Variants in NAV1 observed in about 807,000 individuals in gnomAD.
The protein encoded by NAV1 is pore membrane and/or filament interacting like protein 3.
A neutral mutation model predicts 175.2 loss-of-function variants in NAV1; 18 were observed. The observed-to-expected ratio is 0.10, with a 90% CI of 0.07 to 0.15. The LOEUF (loss-of-function observed/expected upper bound fraction) is 0.15. Ranked by LOEUF, NAV1 falls within the 10% of genes least tolerant of loss-of-function variation. NAV1 has a pLI of 1.00. For missense variants in NAV1, 1,731 were observed against 2,436.6 expected (o/e 0.71, Z 6.10); for synonymous variants, 897 against 978.7 (o/e 0.92, Z 1.56).
At position 201,733,132 on chromosome 1, in the gene NAV1, G is replaced by A. The variant is rs1244922212; in HGVS notation, c.1226+14377G>A. The stretch of plus-strand genomic sequence containing the variant: ...ATGGTGGCTTATGCCTGTAATCCCA[G>A]CATTTTTGGAGGCCAAGGCGGGCGG... On this transcript the variant is annotated intron_variant, in intron 3 of 29. Coordinates refer to ENST00000367296, the Ensembl canonical transcript of NAV1. 2.0e-5 allele frequency among the ~76,000 whole-genome samples: 3 copies of A among 151,014 alleles called. No individual in the cohort carries two copies. In the East Asian group the frequency reaches 5.9e-4, roughly 30 times the overall value.
exon 5 of NAV1, chr1:201,781,016 G>A (rs997425030): frequency 1.0e-5 from 16 of 1,607,960 alleles, no homozygotes; most frequent in East Asian, 4.5e-5. Flanking sequence ...CTTTAGCTAC[G>A]CACAGACTCA....
chr1:201,733,000 G>A (rs990184251), intron 3 of NAV1, among the ~76,000 whole-genome samples: 1 of 152,074 alleles, frequency 6.6e-6, no homozygotes, highest in African/African-American at 2.4e-5. Context: ...GAACCCAGGA[G>A]GCGGAGGTTG....
At chr1:201,719,056 C>CT (rs1672259461) in intron 3 of NAV1, among the ~76,000 whole-genome samples, 1 of 151,758 alleles carries the variant, frequency 6.6e-6, no homozygotes, top group Non-Finnish European at 1.5e-5. Context: ...GCTCTTTGCC[C>CT]TCAATAAACT....
chr1:201,683,438 T>G (rs1336544561), intron 1 of NAV1, among the ~76,000 whole-genome samples: 1 of 152,114 alleles, frequency 6.6e-6, no homozygotes, highest in Non-Finnish European at 1.5e-5. Context: ...CCACTTCAGA[T>G]CATCAGACAC....
rs190423315 is a variant in NAV1, at chr1:201,742,923, G to A, written c.1226+24168G>A. Reference sequence around the variant, plus strand: ...GAGGGAGGGACTTAATCAGCAGAAGGCATCTTAATAGGGGGGACAGTCCGT... The same window carrying A: ...GAGGGAGGGACTTAATCAGCAGAAGACATCTTAATAGGGGGGACAGTCCGT... On this transcript the variant is annotated intron_variant, in intron 3 of 29. Coordinates refer to ENST00000367296, the Ensembl canonical transcript of NAV1. 9.0e-4 allele frequency among the ~76,000 whole-genome samples: 137 copies of A among 152,260 alleles called. 2 individuals are homozygous for A. Among genetic ancestry groups the A allele is most frequent in the African/African-American group, 3.1e-3 (128 of 41,546 alleles).
chr1:201,825,766 A>G (rs1304414154), exon 30 of NAV1: 1 of 152,538 alleles, frequency 6.6e-6, no homozygotes, highest in Non-Finnish European at 1.5e-5. Context: ...GGTTCAAGCG[A>G]TTCTCCTGTC....
At chr1:201,825,851 G>A (rs893874558) in exon 30 of NAV1, 3 of 152,192 alleles carry the variant, frequency 2.0e-5, no homozygotes, top group South Asian at 2.1e-4. Flanking sequence ...TAGTAGATAC[G>A]GAGTTTTGCC....
chr1:201,794,898 G>T (rs955270966), intron 15 of NAV1: 6 of 272,872 alleles, frequency 2.2e-5, no homozygotes, highest in Non-Finnish European at 4.2e-5. Context: ...AATGTGTTGT[G>T]TGTCCACACA....
Position 201,808,137 on chromosome 1 carries a change from C to G in NAV1, c.3833C>G (p.Thr1278Ser), listed in dbSNP as rs1280021462. The change falls in exon 18 of 30, where the codon ACT becomes AGT. Residue 1278 changes from threonine (T) to serine (S), a missense_variant. This residue lies in a region of NAV1 where 146 missense variants were observed against 176.8 expected (regional missense o/e 0.83). Coordinates refer to ENST00000367296, the Ensembl canonical transcript of NAV1. The surrounding 1 kb of genome is among the most constrained non-coding windows in gnomAD (Gnocchi z 5.5). ...TCCTCCACCTCGTCCTCCGTGGGCA[C>G]TGATGTCACCGAGTAAGTGCTCTTT... The G allele has an allele frequency of 6.2e-7, 1 of 1,614,202 alleles. No homozygotes were observed. The highest frequency in any genetic ancestry group is 1.7e-5 in the Admixed American group (1 of 60,020).
At chr1:201,760,787 C>A (rs559861009) in intron 3 of NAV1, among the ~76,000 whole-genome samples, 1 of 152,136 alleles carries the variant, frequency 6.6e-6, no homozygotes, top group Non-Finnish European at 1.5e-5. Context: ...ACATAACTTG[C>A]CCGTATCCTG....
chr1:201,573,547 CCCTG>C (rs1666608602), intron 1 of NAV1, among the ~76,000 whole-genome samples: 1 of 152,202 alleles, frequency 6.6e-6, no homozygotes, highest in Admixed American at 6.5e-5. Context: ...CACACCCCCT[CCCTG>C]CCTCCTGTTT....
chr1:201,674,343 G>T (rs1468396161), intron 1 of NAV1, among the ~76,000 whole-genome samples: 1 of 152,116 alleles, frequency 6.6e-6, no homozygotes, highest in Non-Finnish European at 1.5e-5. Context: ...CACTACCCAT[G>T]ATTCTGTTCT....
chr1:201,647,915 G>A (rs1669028635), upstream of NAV1, among the ~76,000 whole-genome samples: 1 of 151,792 alleles, frequency 6.6e-6, no homozygotes, highest in African/African-American at 2.4e-5. Context: ...TCCTGGACAC[G>A]GCAGGGGGTC....
exon 1 of NAV1, chr1:201,622,972 A>T (rs562340573): frequency 8.6e-5 from 85 of 986,190 alleles, no homozygotes; most frequent in Admixed American, 5.5e-4. Context: ...CCAGACCAGG[A>T]TTCCTACACC....
intron 1 of NAV1, among the ~76,000 whole-genome samples, chr1:201,549,141 TTCTTCTTTCTC>T (rs1181706368): frequency 6.4e-4 from 91 of 142,328 alleles, no homozygotes; most frequent in Admixed American, 1.5e-3. Flanking sequence ...CTTTCTTTCT[TTCTTCTTTCTC>T]TCTCTCTCTT....
intron 3 of NAV1, among the ~76,000 whole-genome samples, chr1:201,728,611 A>G (rs1403998584): frequency 2.4e-4 from 37 of 151,640 alleles, no homozygotes; most frequent in South Asian, 4.2e-4. Context: ...AAAAAAAAAA[A>G]AAAAGAAAAG....
At chr1:201,648,530 C>T in exon 1 of NAV1, 3 of 1,245,980 alleles carry the variant, frequency 2.4e-6, no homozygotes, top group Non-Finnish European at 3.0e-6. Context: ...TCCCCCTTCT[C>T]TCCCCTTCTT....
At chr1:201,754,226 C>A (rs1232866436) in intron 3 of NAV1, among the ~76,000 whole-genome samples, 1 of 152,148 alleles carries the variant, frequency 6.6e-6, no homozygotes, top group Non-Finnish European at 1.5e-5. Flanking sequence ...ACTCTGCCAT[C>A]ATGTTTGCCA....
chr1:201,799,465 AATAG>A (rs896157055), intron 15 of NAV1, among the ~76,000 whole-genome samples: 15 of 152,228 alleles, frequency 9.9e-5, no homozygotes, highest in Admixed American at 2.0e-4. Flanking sequence ...TTTATTTATA[AATAG>A]ATAATAAATA....
Sources: allele counts gnomAD v4.1 joint callset (sites outside exome capture counted in the v4.1 genomes callset), GRCh38; gene constraint gnomAD v4.1.1; regional missense constraint gnomAD v4.1.1; non-coding constraint Gnocchi (gnomAD v3.1); transcripts MANE v1.5; gene names NCBI Gene and HGNC (gene_info 2026-07-23, HGNC 2026-07-21).